Variants in METTL15 observed in about 807,000 individuals in gnomAD.
METTL15 encodes methyltransferase 15, mitochondrial 12S rRNA N4-cytidine, also known as 12S rRNA N(4)-cytidine methyltransferase METTL15.
A neutral mutation model predicts 38.3 loss-of-function variants in METTL15; 34 were observed. The ratio of observed to expected loss-of-function variants is 0.89; its 90% CI spans 0.68 to 1.18. METTL15 has a LOEUF of 1.18. METTL15 is among the 50% of genes most tolerant of loss of function. The pLI is 0.00. For missense variants in METTL15, 438 were observed against 498.4 expected, an observed-to-expected ratio of 0.88 and a Z score of 1.15; for synonymous variants, 162 against 170.9, an observed-to-expected ratio of 0.95 and a Z score of 0.41.
At chr11:28,310,774 A>G (rs1176776521) in intron 6 of METTL15, among the ~76,000 whole-genome samples, 2 of 152,008 alleles carry the variant, frequency 1.3e-5, no homozygotes, top group Non-Finnish European at 2.9e-5. Flanking sequence ...CATGTCTTAC[A>G]TTGTATTTCA....
chr11:28,164,975 A>G (rs1850605807), intron 3 of METTL15, among the ~76,000 whole-genome samples: 1 of 152,118 alleles, frequency 6.6e-6, no homozygotes, highest in South Asian at 2.1e-4. Flanking sequence ...ACTTAGCATA[A>G]TATCCTCCCA....
intron 4 of METTL15, among the ~76,000 whole-genome samples, chr11:28,249,668 A>T (rs921139440): frequency 6.6e-6 from 1 of 151,880 alleles, no homozygotes; most frequent in African/African-American, 2.4e-5. Flanking sequence ...CTGTCACCCT[A>T]TTACACAGAT....
intron 6 of METTL15, among the ~76,000 whole-genome samples, chr11:28,432,052 A>G (rs909447460): frequency 1.3e-5 from 2 of 152,168 alleles, no homozygotes; most frequent in African/African-American, 4.8e-5. Context: ...AAAAGACTTC[A>G]ACTTTCCACT....
intron 6 of METTL15, among the ~76,000 whole-genome samples, chr11:28,480,710 A>C (rs971011241): frequency 7.2e-5 from 11 of 152,130 alleles, no homozygotes; most frequent in African/African-American, 2.4e-4. Context: ...TCCTCTATTG[A>C]GATATTAAGG....
intron 5 of METTL15, among the ~76,000 whole-genome samples, chr11:28,390,091 T>C (rs1344724058): frequency 2.6e-5 from 4 of 151,552 alleles, no homozygotes; most frequent in South Asian, 2.1e-4. Flanking sequence ...TTTTTTCTTG[T>C]AAATTTGTTT....
At chr11:28,399,980 A>G (rs950870656) in intron 5 of METTL15, among the ~76,000 whole-genome samples, 16 of 151,948 alleles carry the variant, frequency 1.1e-4, no homozygotes, top group Non-Finnish European at 1.5e-4. Flanking sequence ...TAATATTTGT[A>G]TGAACTTTTA....
chr11:28,192,431 CTT>C (rs545100111), intron 3 of METTL15, among the ~76,000 whole-genome samples: 5 of 136,894 alleles, frequency 3.7e-5, no homozygotes, highest in African/African-American at 2.7e-5. Flanking sequence ...TTTGATTTGC[CTT>C]TTTTTTTTTT....
At chr11:28,251,348 T>G (rs1418835355) in intron 4 of METTL15, among the ~76,000 whole-genome samples, 1 of 152,060 alleles carries the variant, frequency 6.6e-6, no homozygotes, top group African/African-American at 2.4e-5. Flanking sequence ...CAGCAGTAAA[T>G]TTTGTAAGTA....
intron 5 of METTL15, among the ~76,000 whole-genome samples, chr11:28,420,107 A>G (rs1416547717): frequency 6.6e-6 from 1 of 152,200 alleles, no homozygotes; most frequent in Non-Finnish European, 1.5e-5. Context: ...TAGAAAGTTT[A>G]TTTAAAGAGA....
intron 4 of METTL15, among the ~76,000 whole-genome samples, chr11:28,258,213 T>A (rs1855050429): frequency 6.6e-6 from 1 of 152,166 alleles, no homozygotes; most frequent in Admixed American, 6.5e-5. Flanking sequence ...TCCCTTCCCT[T>A]ACTTTCTTCT....
intron 5 of METTL15, among the ~76,000 whole-genome samples, chr11:28,371,810 T>C (rs780966089): frequency 1.3e-5 from 2 of 152,120 alleles, no homozygotes; most frequent in Non-Finnish European, 2.9e-5. Context: ...TGTTGGTATA[T>C]ACAAATGCTA....
intron 3 of METTL15, among the ~76,000 whole-genome samples, chr11:28,196,389 T>A (rs140409371): frequency 1.3e-5 from 2 of 152,180 alleles, no homozygotes; most frequent in South Asian, 2.1e-4. Context: ...AGCAGTGTTT[T>A]GTAGCTCACC....
At position 28,292,928 on chromosome 11, in the gene METTL15, G is replaced by T. The variant is rs186641465; in HGVS notation, c.599+2531G>T. 9.5e-3 allele frequency among the ~76,000 whole-genome samples: 1,440 copies of T among 151,970 alleles called. 77 individuals carry two copies. Among genetic ancestry groups the T allele is most frequent in the Admixed American group, 0.068 (1,031 of 15,238 alleles). ...GTTGTTTTTTTCTTGTAAATTTGTTGGAGTTCATTGTAGATTCTGGATATT... is the reference window on the plus strand; with the variant it reads ...GTTGTTTTTTTCTTGTAAATTTGTTTGAGTTCATTGTAGATTCTGGATATT... On this transcript the variant is annotated intron_variant, in intron 5 of 6. Coordinates refer to ENST00000407364, the MANE Select transcript of METTL15 (RefSeq NM_001113528.2).
At chr11:28,177,299 A>G (rs759222928) in intron 3 of METTL15, among the ~76,000 whole-genome samples, 6 of 152,040 alleles carry the variant, frequency 3.9e-5, no homozygotes, top group Non-Finnish European at 8.8e-5. Flanking sequence ...AAGGCTTCCA[A>G]TTGAAAAGAT....
Position 28,285,968 on chromosome 11 carries a change from A to C in METTL15, c.408-4238A>C, listed in dbSNP as rs180939756. 2.6e-5 allele frequency among the ~76,000 whole-genome samples: 4 copies of C among 152,328 alleles called. No homozygotes were observed. The East Asian group carries it at 7.7e-4, about 29-fold the overall frequency. ...TGTACACAAAGTAGTGTAGCTAATC[A>C]AAAATCTACCTCTTGAGCAGAGATA... On this transcript the variant is annotated intron_variant, in intron 4 of 6. Transcript: ENST00000407364.
intron 3 of METTL15, among the ~76,000 whole-genome samples, chr11:28,156,892 C>A (rs1384226171): frequency 7.2e-5 from 11 of 152,112 alleles, no homozygotes; most frequent in Admixed American, 2.0e-4. Flanking sequence ...AGAAAAATAT[C>A]TTTGACAGCA....
chr11:28,392,765 G>T (rs565511126), intron 5 of METTL15, among the ~76,000 whole-genome samples: 62 of 151,934 alleles, frequency 4.1e-4, no homozygotes, highest in Non-Finnish European at 8.4e-4. Flanking sequence ...TTGAAAAGGG[G>T]TCAATATCCA....
At chr11:28,381,493 G>A (rs1425601932) in intron 5 of METTL15, among the ~76,000 whole-genome samples, 4 of 151,906 alleles carry the variant, frequency 2.6e-5, no homozygotes, top group African/African-American at 4.8e-5. Flanking sequence ...ATAATTCTTA[G>A]CATTGGTCTT....
chr11:28,280,659 C>T (rs1261901332), intron 4 of METTL15, among the ~76,000 whole-genome samples: 1 of 139,526 alleles, frequency 7.2e-6, no homozygotes, highest in Non-Finnish European at 1.5e-5. Context: ...CTCACCATGT[C>T]TCTTATGCTT....
Sources: allele counts gnomAD v4.1 joint callset (sites outside exome capture counted in the v4.1 genomes callset), GRCh38; gene constraint gnomAD v4.1.1; transcripts MANE v1.5; gene names NCBI Gene and HGNC (gene_info 2026-07-23, HGNC 2026-07-21).